CFAP20DC: variants seen among roughly 807,000 people sequenced by gnomAD.
The protein encoded by CFAP20DC is protein CFAP20DC.
A neutral mutation model predicts 101.7 loss-of-function variants in CFAP20DC; 84 were observed. That is an observed-to-expected ratio of 0.83 (90% CI 0.69 to 0.99). The LOEUF (loss-of-function observed/expected upper bound fraction) is 0.99. Ranked by LOEUF, CFAP20DC falls within the 50% of genes least tolerant of loss-of-function variation. CFAP20DC has a pLI of 0.00. For missense variants in CFAP20DC, 1,007 were observed against 970.3 expected, an observed-to-expected ratio of 1.04 and a Z score of -0.50; for synonymous variants, 359 against 351.2, an observed-to-expected ratio of 1.02 and a Z score of -0.25.
intron 4 of CFAP20DC, among the ~76,000 whole-genome samples, chr3:59,009,399 T>C (rs964384259): frequency 1.3e-5 from 2 of 151,018 alleles, no homozygotes; most frequent in Non-Finnish European, 3.0e-5. Context: ...CAAAGAAAGG[T>C]AAAAACCAAC....
At chr3:58,940,961 A>G (rs2088471209) in intron 4 of CFAP20DC, among the ~76,000 whole-genome samples, 1 of 152,156 alleles carries the variant, frequency 6.6e-6, no homozygotes, top group African/African-American at 2.4e-5. Context: ...TTCATTTTAG[A>G]AGCCCTGCAC....
At chr3:58,793,817 G>C (rs528837951) in intron 15 of CFAP20DC, among the ~76,000 whole-genome samples, 2 of 152,146 alleles carry the variant, frequency 1.3e-5, no homozygotes, top group African/African-American at 4.8e-5. Context: ...GTAGTATTGA[G>C]ATCAGACCAG....
chr3:58,889,667 G>T (rs9833734), intron 6 of CFAP20DC, among the ~76,000 whole-genome samples: 13,226 of 140,854 alleles, frequency 0.094, 2,141 homozygotes, highest in African/African-American at 0.34. Context: ...GTGAACAAAG[G>T]TCTCTGGTTT....
intron 13 of CFAP20DC, among the ~76,000 whole-genome samples, chr3:58,837,012 G>A (rs984535890): frequency 6.6e-6 from 1 of 152,106 alleles, no homozygotes; most frequent in African/African-American, 2.4e-5. Flanking sequence ...CCAGCCATCA[G>A]GCAGAAAAGC....
chr3:58,870,590 T>TA (rs1198438982), intron 7 of CFAP20DC, among the ~76,000 whole-genome samples: 240 of 144,700 alleles, frequency 1.7e-3, no homozygotes, highest in African/African-American at 4.7e-3. Flanking sequence ...AGTTTTTCTT[T>TA]AAAAAAAAAA....
chr3:58,819,384 T>C (rs527762095), intron 14 of CFAP20DC, among the ~76,000 whole-genome samples: 324 of 152,068 alleles, frequency 2.1e-3, no homozygotes, highest in Non-Finnish European at 3.5e-3. Context: ...ACAAAATTGA[T>C]AGACCTCCAG....
chr3:58,841,742 A>C (rs2077126166), intron 13 of CFAP20DC, among the ~76,000 whole-genome samples: 1 of 152,230 alleles, frequency 6.6e-6, no homozygotes, highest in Admixed American at 6.5e-5. Context: ...ATTAAAAGTC[A>C]TGTCTCTTTC....
intron 4 of CFAP20DC, among the ~76,000 whole-genome samples, chr3:59,029,578 C>T (rs555073541): frequency 2.0e-5 from 3 of 152,118 alleles, no homozygotes; most frequent in Admixed American, 1.3e-4. Context: ...TTGTGAGCTA[C>T]CAGCAGAGTG....
At chr3:59,008,331 T>TA (rs938974575) in intron 4 of CFAP20DC, among the ~76,000 whole-genome samples, 1 of 152,110 alleles carries the variant, frequency 6.6e-6, no homozygotes, top group African/African-American at 2.4e-5. Flanking sequence ...TTAACCCTGA[T>TA]AAAACCTAAT....
chr3:58,959,970 T>C (rs934163810), intron 4 of CFAP20DC, among the ~76,000 whole-genome samples: 38 of 152,340 alleles, frequency 2.5e-4, no homozygotes, highest in African/African-American at 9.1e-4. Context: ...TGTTAAATTT[T>C]CTGGTTTTTT....
At chr3:58,725,133 T>C (rs2067530837) in intron 3 of CFAP20DC, among the ~76,000 whole-genome samples, 1 of 152,232 alleles carries the variant, frequency 6.6e-6, no homozygotes. Context: ...TTATCTATAT[T>C]TTTATCAGAC....
intron 15 of CFAP20DC, among the ~76,000 whole-genome samples, chr3:58,786,354 G>T (rs1462451322): frequency 2.0e-5 from 3 of 152,154 alleles, no homozygotes; most frequent in East Asian, 3.9e-4. Flanking sequence ...ACAATCCAGA[G>T]ATGGAGGCAG....
chr3:59,007,370 C>G lies in CFAP20DC; in HGVS notation c.278+32187G>C, dbSNP rs945647104. ...AACTTAAGAGTAAGCTTAGATCTCC[C>G]TTCTACTACTGCAGCTGGCGCTCTC... On this transcript the variant is annotated intron_variant, in intron 4 of 16. Coordinates refer to ENST00000482387, the MANE Select transcript of CFAP20DC (RefSeq NM_001394063.1). This position sits in a 1 kb window ranked among gnomAD's most constrained non-coding sequence, Gnocchi z 4.4. 1.1e-4 allele frequency among the ~76,000 whole-genome samples: 16 copies of G among 152,164 alleles called. No homozygotes were observed. The highest frequency in any genetic ancestry group is 3.4e-4 in the African/African-American group (14 of 41,440).
At chr3:58,760,916 G>A (rs2069510402) in intron 15 of CFAP20DC, among the ~76,000 whole-genome samples, 1 of 152,184 alleles carries the variant, frequency 6.6e-6, no homozygotes, top group Non-Finnish European at 1.5e-5. Context: ...GCTTTTTGAT[G>A]TGTTGCTGGA....
chr3:58,894,524 G>T lies in CFAP20DC; in HGVS notation c.551-9815C>A, dbSNP rs1169308583. On this transcript the variant is annotated intron_variant, in intron 6 of 16. Transcript: ENST00000482387. The surrounding 1 kb of genome is among the most constrained non-coding windows in gnomAD (Gnocchi z 4.1). The stretch of plus-strand genomic sequence containing the variant: ...TCAGGACACGCTGATGCAGAAGGTG[G>T]GTTCCTACGGCCTTTGGCAGCTCCA... Among the ~76,000 whole-genome samples, 4 of 152,216 alleles carry T rather than the reference G, an allele frequency of 2.6e-5. No individual in the cohort carries two copies. The highest frequency in any genetic ancestry group is 4.4e-5 in the Non-Finnish European group (3 of 68,042).
intron 4 of CFAP20DC, among the ~76,000 whole-genome samples, chr3:59,032,170 T>C (rs2094007425): frequency 6.6e-6 from 1 of 152,104 alleles, no homozygotes; most frequent in Non-Finnish European, 1.5e-5. Flanking sequence ...CCAGCCCAGA[T>C]ACTACACTTT....
chr3:58,740,023 A>T (rs1287359930), downstream of CFAP20DC, among the ~76,000 whole-genome samples: 1 of 152,212 alleles, frequency 6.6e-6, no homozygotes, highest in Non-Finnish European at 1.5e-5. This position sits in a 1 kb window ranked among gnomAD's most constrained non-coding sequence, Gnocchi z 4.6. Context: ...GAACAAACAA[A>T]CTGGTGAACT....
chr3:58,823,097 G>A (rs1326783500), intron 14 of CFAP20DC, among the ~76,000 whole-genome samples: 3 of 151,974 alleles, frequency 2.0e-5, no homozygotes, highest in East Asian at 3.8e-4. Context: ...AAATATTCAA[G>A]TTTCACTGTT....
intron 4 of CFAP20DC, among the ~76,000 whole-genome samples, chr3:58,985,889 G>A (rs1022312488): frequency 1.3e-4 from 20 of 151,878 alleles, no homozygotes; most frequent in African/African-American, 3.9e-4. Flanking sequence ...TCTTTGTATC[G>A]CCAGGGTCTG....
Sources: gnomAD v4.1 joint callset for allele counts (sites outside exome capture counted in the v4.1 genomes callset) on GRCh38, gnomAD v4.1.1 for gene constraint, Gnocchi (gnomAD v3.1) non-coding constraint, MANE v1.5 for transcripts, NCBI Gene and HGNC (gene_info 2026-07-23, HGNC 2026-07-21) for gene names.